Variants in CCDC178 observed in about 807,000 individuals in gnomAD.
The protein encoded by CCDC178 is coiled-coil domain containing 178.
In CCDC178, 126 loss-of-function variants were observed where a neutral mutation model predicts 117.4. The ratio of observed to expected loss-of-function variants is 1.07; its 90% CI spans 0.93 to 1.24. The LOEUF is 1.24. CCDC178 is among the 50% of genes most tolerant of loss of function. The pLI, the probability that CCDC178 is intolerant of heterozygous loss-of-function variation, is 0.00. For synonymous variants in CCDC178, 283 were observed against 313.4 expected (o/e 0.90, Z 1.02); for missense variants, 1,030 against 986.9 (o/e 1.04, Z -0.59).
intron 22 of CCDC178, chr18:32,954,147 G>C (rs772318295): frequency 2.0e-5 from 3 of 152,098 alleles, no homozygotes; most frequent in Non-Finnish European, 4.4e-5. Flanking sequence ...TTTTCCTAAT[G>C]CTGCCCTGGT....
chr18:33,416,334 G>A (rs189033864), intron 2 of CCDC178, among the ~76,000 whole-genome samples: 236 of 152,178 alleles, frequency 1.6e-3, no homozygotes, highest in Non-Finnish European at 2.8e-3. Context: ...GGCTGAGGCA[G>A]GAGAATGGCG....
At chr18:33,400,995 T>C (rs914341900) in intron 3 of CCDC178, among the ~76,000 whole-genome samples, 18 of 152,162 alleles carry the variant, frequency 1.2e-4, no homozygotes, top group African/African-American at 4.3e-4. Flanking sequence ...CAAATATTGT[T>C]ATGTCTCAGG....
intron 6 of CCDC178, among the ~76,000 whole-genome samples, chr18:33,358,495 A>C (rs187411461): frequency 3.3e-5 from 5 of 152,054 alleles, no homozygotes; most frequent in Non-Finnish European, 7.4e-5. Flanking sequence ...ATCATACATG[A>C]AACTTTGATG....
chr18:33,369,999 G>A, intron 6 of CCDC178, 51 bp downstream of exon 6: 1 of 1,447,500 alleles, frequency 6.9e-7, no homozygotes, highest in South Asian at 1.4e-5. Context: ...CCAATCCTTA[G>A]AGGGTCGATA....
chr18:33,087,566 TTGTGTGTGTGTGTGTGTG>T (rs57033642), intron 21 of CCDC178, among the ~76,000 whole-genome samples: 1 of 146,032 alleles, frequency 6.8e-6, no homozygotes, highest in South Asian at 2.1e-4. Flanking sequence ...CCAAAGCCAT[TTGTGTGTGTGTGTGTGTG>T]TGTGTGTGTG....
chr18:32,980,439 C>T (rs993211414), intron 21 of CCDC178, among the ~76,000 whole-genome samples: 15 of 151,768 alleles, frequency 9.9e-5, no homozygotes, highest in African/African-American at 3.6e-4. Flanking sequence ...GGCGCAGTGG[C>T]GGGCGCCTGT....
chr18:33,333,934 G>C (rs188990326), intron 9 of CCDC178, among the ~76,000 whole-genome samples: 2 of 152,158 alleles, frequency 1.3e-5, no homozygotes, highest in East Asian at 3.9e-4. Context: ...TCCTGTTTAT[G>C]TTGTATGGTC....
chr18:33,087,007 CACACACA>C (rs1004534048), intron 21 of CCDC178, among the ~76,000 whole-genome samples: 1 of 145,728 alleles, frequency 6.9e-6, no homozygotes. Flanking sequence ...CACACACACA[CACACACA>C]ACAAAATAGC....
intron 21 of CCDC178, among the ~76,000 whole-genome samples, chr18:33,044,322 A>C (rs887037580): frequency 6.6e-6 from 1 of 152,116 alleles, no homozygotes; most frequent in Non-Finnish European, 1.5e-5. Flanking sequence ...GATACTGCCC[A>C]AAACAATCTA....
chr18:33,341,172 G>A (rs1482799316), intron 9 of CCDC178, among the ~76,000 whole-genome samples: 1 of 151,710 alleles, frequency 6.6e-6, no homozygotes, highest in Non-Finnish European at 1.5e-5. Context: ...AGATCATTTT[G>A]GAGCCTTAAA....
chr18:33,069,407 C>T (rs1346399639), intron 21 of CCDC178, among the ~76,000 whole-genome samples: 1 of 151,916 alleles, frequency 6.6e-6, no homozygotes, highest in Non-Finnish European at 1.5e-5. Context: ...TTCAAAGTTG[C>T]CAGTAACATA....
intron 19 of CCDC178, among the ~76,000 whole-genome samples, chr18:33,214,973 A>G (rs2059148176): frequency 6.6e-6 from 1 of 152,008 alleles, no homozygotes; most frequent in Admixed American, 6.6e-5. Flanking sequence ...GGAAATGAGA[A>G]GCAAAATGAG....
At chr18:33,055,119 CT>C (rs1047559741) in intron 21 of CCDC178, among the ~76,000 whole-genome samples, 4 of 151,696 alleles carry the variant, frequency 2.6e-5, no homozygotes, top group African/African-American at 7.3e-5. Context: ...CTTTTTAATG[CT>C]TTTTTTTCTT....
intron 20 of CCDC178, among the ~76,000 whole-genome samples, chr18:33,151,579 CAA>C (rs2058341607): frequency 6.6e-6 from 1 of 152,038 alleles, no homozygotes; most frequent in Non-Finnish European, 1.5e-5. Flanking sequence ...CTCAAATCAA[CAA>C]AGAGGATGAA....
chr18:33,346,211 C>T lies in CCDC178; in HGVS notation c.658G>A (p.Glu220Lys). 1 of 1,603,610 alleles carries T rather than the reference C, an allele frequency of 6.2e-7. No individual in the cohort carries two copies. Among genetic ancestry groups the T allele is most frequent in the Non-Finnish European group, 8.5e-7 (1 of 1,172,502 alleles). The stretch of plus-strand genomic sequence containing the variant: ...GTAATATAAAAATCCCTATTATTAC[C>T]TTTCTGCACAGCCAATGGGAGTTCT... Reference protein sequence around the residue: ...LQELPLAVQKEHEAYLSDVIE... With the variant: ...LQELPLAVQKKHEAYLSDVIE... Residue 220 changes from glutamate (E) to lysine (K), a missense_variant and splice_region_variant, in exon 9 of 23, where the codon GAA becomes AAA. Physicochemically the swap from Glu to Lys is moderately conservative, Grantham distance 56 (BLOSUM62 1). Coordinates refer to ENST00000383096, the MANE Select transcript of CCDC178 (RefSeq NM_001105528.4).
intron 22 of CCDC178, among the ~76,000 whole-genome samples, chr18:32,961,176 C>T (rs1205961414): frequency 6.6e-6 from 1 of 152,114 alleles, no homozygotes; most frequent in Non-Finnish European, 1.5e-5. Context: ...GTTCTATTAA[C>T]TCCTGAGAGA....
intron 21 of CCDC178, among the ~76,000 whole-genome samples, chr18:33,087,566 TTGTGTGTGTGTGTGTG>T (rs57033642): frequency 3.4e-5 from 5 of 146,012 alleles, no homozygotes; most frequent in East Asian, 2.0e-4. Context: ...CCAAAGCCAT[TTGTGTGTGTGTGTGTG>T]TGTGTGTGTG....
At chr18:33,416,733 T>C (rs1423010379) in intron 2 of CCDC178, among the ~76,000 whole-genome samples, 1 of 152,056 alleles carries the variant, frequency 6.6e-6, no homozygotes, top group Non-Finnish European at 1.5e-5. Context: ...GAGACATTAC[T>C]TGCACCACAA....
intron 8 of CCDC178, among the ~76,000 whole-genome samples, chr18:33,348,247 A>G (rs1276335810): frequency 6.6e-6 from 1 of 151,912 alleles, no homozygotes; most frequent in Non-Finnish European, 1.5e-5. Flanking sequence ...GTTTTCACTC[A>G]AGGATTTAGC....
Sources: allele counts gnomAD v4.1 joint callset (sites outside exome capture counted in the v4.1 genomes callset), GRCh38; gene constraint gnomAD v4.1.1; transcripts MANE v1.5; gene names NCBI Gene and HGNC (gene_info 2026-07-23, HGNC 2026-07-21).